Variants in STK32B observed in about 807,000 individuals in gnomAD.
STK32B encodes serine/threonine kinase 32B, also known as serine/threonine-protein kinase 32B.
Under a neutral mutation model 52.6 loss-of-function variants are expected in STK32B, and 43 were observed. The observed-to-expected ratio is 0.82, with a 90% CI of 0.64 to 1.05. STK32B has a LOEUF of 1.05. Among genes scored for constraint, STK32B ranks in the 50% least tolerant of loss-of-function variants. STK32B has a pLI of 0.00. For synonymous variants in STK32B, 238 were observed against 204.3 expected, an observed-to-expected ratio of 1.17 and a Z score of -1.41; for missense variants, 621 against 534.6, an observed-to-expected ratio of 1.16 and a Z score of -1.59.
Position 5,456,865 on chromosome 4 carries a change from T to C in STK32B, c.725T>C (p.Val242Ala). 3 of 1,599,748 alleles carry C rather than the reference T, an allele frequency of 1.9e-6. No homozygotes were observed. The highest frequency in any genetic ancestry group is 2.3e-5 in the South Asian group (2 of 87,600). ...GATGAAATCCTCAACATGTTCAAGG[T>C]GGAGCGTGTCCACTACTCCTCCACG... ...PIDEILNMFK[V>A]ERVHYSSTWC... Residue 242 changes from valine (V) to alanine (A), a missense_variant, in exon 8 of 12, where the codon GTG (valine) becomes GCG (alanine). Physicochemically the swap from Val to Ala is moderately conservative, Grantham distance 64. Coordinates refer to ENST00000282908, the MANE Select transcript of STK32B (RefSeq NM_018401.3).
At chr4:5,440,106 T>C (rs1308296742) in intron 6 of STK32B, among the ~76,000 whole-genome samples, 1 of 152,124 alleles carries the variant, frequency 6.6e-6, no homozygotes, top group East Asian at 1.9e-4. Context: ...TGGTTCCATA[T>C]GAACTTTAAA....
At chr4:5,381,638 T>C (rs1208756871) in intron 4 of STK32B, among the ~76,000 whole-genome samples, 1 of 152,174 alleles carries the variant, frequency 6.6e-6, no homozygotes, top group Non-Finnish European at 1.5e-5. Flanking sequence ...TACCCAGAGG[T>C]GTGGATTCAG....
intron 1 of STK32B, among the ~76,000 whole-genome samples, chr4:5,076,038 C>G (rs1167210067): frequency 2.0e-5 from 3 of 152,198 alleles, no homozygotes; most frequent in African/African-American, 7.2e-5. Flanking sequence ...CTAAGTCCTT[C>G]TCATGGCAAT....
intron 7 of STK32B, among the ~76,000 whole-genome samples, chr4:5,452,852 C>G (rs1448388314): frequency 6.6e-6 from 1 of 152,056 alleles, no homozygotes; most frequent in African/African-American, 2.4e-5. Context: ...CAATGTCCCA[C>G]TGCTAAAATT....
chr4:5,021,549 G>C, the STK32B span, among the ~76,000 whole-genome samples: 2 of 152,148 alleles, frequency 1.3e-5, no homozygotes, highest in Admixed American at 6.5e-5. Context: ...TGTGCTCAAG[G>C]AATGGGCTTA....
chr4:5,457,677 G>T (rs1355244920), intron 8 of STK32B, among the ~76,000 whole-genome samples: 8 of 151,250 alleles, frequency 5.3e-5, no homozygotes, highest in Non-Finnish European at 1.5e-5. Context: ...AGACCAGCCT[G>T]GCCAGCATGG....
At chr4:5,275,245 T>G (rs1727736516) in intron 3 of STK32B, among the ~76,000 whole-genome samples, 1 of 152,196 alleles carries the variant, frequency 6.6e-6, no homozygotes, top group African/African-American at 2.4e-5. Flanking sequence ...AGATTCAACT[T>G]AGTTACATCC....
chr4:5,443,957 T>C (rs1715069772), intron 6 of STK32B, among the ~76,000 whole-genome samples: 1 of 152,232 alleles, frequency 6.6e-6, no homozygotes, highest in Non-Finnish European at 1.5e-5. Flanking sequence ...AGTCTGCCAG[T>C]TCTCAGATCT....
rs1010274895 is a variant in STK32B, at chr4:5,378,396, G to A, written c.435-19811G>A. Among the ~76,000 whole-genome samples the A allele has an allele frequency of 2.0e-5, 3 of 152,320 alleles. No individual in the cohort carries two copies. The highest frequency in any genetic ancestry group is 6.8e-3 in the Middle Eastern group (2 of 294). ...GATTCTGAAGCCCTGTGCCTGGGTCGTAGCCCTGGACTTTGCATTTTATTT... is the reference window on the plus strand; with the variant it reads ...GATTCTGAAGCCCTGTGCCTGGGTCATAGCCCTGGACTTTGCATTTTATTT... On this transcript the variant is annotated intron_variant, in intron 4 of 11. Coordinates refer to ENST00000282908, the MANE Select transcript of STK32B (RefSeq NM_018401.3). This position sits in a 1 kb window ranked among gnomAD's most constrained non-coding sequence, Gnocchi z 4.4.
chr4:5,172,842 TTCTG>T (rs1719499076), intron 3 of STK32B, among the ~76,000 whole-genome samples: 1 of 152,250 alleles, frequency 6.6e-6, no homozygotes, highest in East Asian at 1.9e-4. Flanking sequence ...TTAGGGAGGA[TTCTG>T]TCTTTTTCTA....
intron 3 of STK32B, among the ~76,000 whole-genome samples, chr4:5,317,831 A>G (rs1183697538): frequency 3.3e-5 from 5 of 152,000 alleles, no homozygotes; most frequent in Admixed American, 3.3e-4. Context: ...GCATTCATCT[A>G]AGTGTTTTGG....
chr4:5,254,370 TA>T (rs200064878), intron 3 of STK32B, among the ~76,000 whole-genome samples: 2,182 of 152,164 alleles, frequency 0.014, 51 homozygotes, highest in African/African-American at 0.049. Flanking sequence ...CTATATTGTT[TA>T]TTTGTTTTTA....
intron 3 of STK32B, among the ~76,000 whole-genome samples, chr4:5,305,072 C>T (rs1471142836): frequency 6.6e-6 from 1 of 151,932 alleles, no homozygotes; most frequent in Admixed American, 6.6e-5. Flanking sequence ...TTTAGATATG[C>T]TGTTGGATTC....
intron 1 of STK32B, among the ~76,000 whole-genome samples, chr4:5,128,586 G>A (rs988026996): frequency 6.6e-6 from 1 of 152,304 alleles, no homozygotes; most frequent in East Asian, 1.9e-4. Context: ...TAATCAACTA[G>A]AAAGCAAAGC....
chr4:5,142,553 T>C (rs544030916), intron 2 of STK32B, among the ~76,000 whole-genome samples: 1 of 152,244 alleles, frequency 6.6e-6, no homozygotes, highest in African/African-American at 2.4e-5. Flanking sequence ...GGCATTTATG[T>C]TGTCAAGTGA....
At chr4:5,026,561 A>G in the STK32B span, among the ~76,000 whole-genome samples, 1 of 152,232 alleles carries the variant, frequency 6.6e-6, no homozygotes, top group Non-Finnish European at 1.5e-5. Context: ...AACCACTCCC[A>G]TGATTCAGTT....
chr4:5,123,710 C>G (rs1483339047), intron 1 of STK32B, among the ~76,000 whole-genome samples: 2 of 152,088 alleles, frequency 1.3e-5, no homozygotes, highest in African/African-American at 4.8e-5. Context: ...AGGGCCCCAC[C>G]TTTTTGACCC....
intron 3 of STK32B, among the ~76,000 whole-genome samples, chr4:5,231,796 C>T (rs1724289145): frequency 6.6e-6 from 1 of 152,082 alleles, no homozygotes; most frequent in African/African-American, 2.4e-5. Flanking sequence ...AGAAACCTGA[C>T]TCTGAAGAGT....
intron 7 of STK32B, among the ~76,000 whole-genome samples, chr4:5,449,597 C>A (rs734085): frequency 0.14 from 20,687 of 152,082 alleles, 1,619 homozygotes; most frequent in East Asian, 0.28. Context: ...TGGCCTGTGG[C>A]CTGTTAGGAA....
Sources: gnomAD v4.1 joint callset for allele counts (sites outside exome capture counted in the v4.1 genomes callset) on GRCh38, gnomAD v4.1.1 for gene constraint, Gnocchi (gnomAD v3.1) non-coding constraint, MANE v1.5 for transcripts, NCBI Gene and HGNC (gene_info 2026-07-23, HGNC 2026-07-21) for gene names.